Variants in NCDN observed in about 807,000 individuals in gnomAD.
The protein encoded by NCDN is neurochondrin.
Under a neutral mutation model 60.7 loss-of-function variants are expected in NCDN, and 9 were observed. The observed-to-expected ratio is 0.15, with a 90% CI of 0.09 to 0.26. The LOEUF is 0.26. Among genes scored for constraint, NCDN ranks in the 10% least tolerant of loss-of-function variants. The pLI is 1.00. For synonymous variants in NCDN, 409 were observed against 442.5 expected (o/e 0.92, Z 0.95); for missense variants, 578 against 975.2 (o/e 0.59, Z 5.42).
rs1648703740 is a variant in NCDN, at chr1:35,561,466, C to T, written c.1143+172C>T. ...TGTGCGGCCCAACCTCCCTCTCTCTCCCTCCCTCCACACAAGCACCATACC... is the reference window on the plus strand; with the variant it reads ...TGTGCGGCCCAACCTCCCTCTCTCTTCCTCCCTCCACACAAGCACCATACC... On this transcript the variant is annotated intron_variant, in intron 3 of 6. Coordinates refer to ENST00000373243, the MANE Select transcript of NCDN (RefSeq NM_014284.3). This position sits in a 1 kb window ranked among gnomAD's most constrained non-coding sequence, Gnocchi z 4.9. Among the ~76,000 whole-genome samples, 1 of 151,860 alleles carries T rather than the reference C, an allele frequency of 6.6e-6. No homozygotes were observed. Among genetic ancestry groups the T allele is most frequent in the Non-Finnish European group, 1.5e-5 (1 of 67,950 alleles).
Position 35,558,616 on chromosome 1 carries a change from G to T in NCDN, c.33+393G>T. On this transcript the variant is annotated intron_variant, in intron 1 of 6. Transcript: ENST00000373243. This position sits in a 1 kb window ranked among gnomAD's most constrained non-coding sequence, Gnocchi z 6.3. The stretch of plus-strand genomic sequence containing the variant: ...CGTATCTCTGCCTCTGAAGAAGGGA[G>T]GGGAAAGGAAGCCTGGGGTGTCCTT... 1 of 1,175,674 alleles carries T rather than the reference G, an allele frequency of 8.5e-7. No individual in the cohort carries two copies. Among genetic ancestry groups the T allele is most frequent in the Non-Finnish European group, 1.1e-6 (1 of 946,128 alleles). The allele number at this position is 1,175,674 out of a possible 1,614,324, so 72.8% of individuals were successfully genotyped here. A position where few individuals can be genotyped will look rare whatever the true frequency, so the allele number is the denominator to read the frequency against.
chr1:35,564,395 C>A (rs1393308036), intron 6 of NCDN, among the ~76,000 whole-genome samples: 1 of 152,056 alleles, frequency 6.6e-6, no homozygotes, highest in Non-Finnish European at 1.5e-5. Flanking sequence ...GAGGGACGTC[C>A]CCTCCAGCCC....
chr1:35,564,720 A>G (rs11264175), intron 6 of NCDN, among the ~76,000 whole-genome samples: 7,569 of 152,246 alleles, frequency 0.05, 446 homozygotes, highest in East Asian at 0.24. Flanking sequence ...CCACCAGGTT[A>G]GGTTGACAGC....
At position 35,559,157 on chromosome 1, in the gene NCDN, G is replaced by A; in HGVS notation, c.84G>A (p.Gln28=). 1 of 1,613,792 alleles carries A rather than the reference G, an allele frequency of 6.2e-7. No homozygotes were observed. The highest frequency in any genetic ancestry group is 8.5e-7 in the Non-Finnish European group (1 of 1,179,902). Residue 28 remains glutamine (Q), a synonymous_variant, in exon 2 of 7, where the codon CAG becomes CAA. Coordinates refer to ENST00000373243, the MANE Select transcript of NCDN (RefSeq NM_014284.3). ...CGGATTGCGAGCCAGCTCTGAACCAGGCAGAGGGCCGAAACCCCACCCTGG... is the reference window on the plus strand; with the variant it reads ...CGGATTGCGAGCCAGCTCTGAACCAAGCAGAGGGCCGAAACCCCACCCTGG... The part of the protein sequence containing the change: ...MASDCEPALN[Q]AEGRNPTLER...
Position 35,565,402 on chromosome 1 carries a change from C to G in NCDN, c.1929C>G (p.Ala643=). 2.5e-6 allele frequency: 4 copies of G among 1,612,956 alleles called. No homozygotes were observed. The highest frequency in any genetic ancestry group is 3.4e-6 in the Non-Finnish European group (4 of 1,179,380). Residue 643 remains alanine, a synonymous_variant, in exon 7 of 7, where the codon GCC becomes GCG. Coordinates refer to ENST00000373243, the MANE Select transcript of NCDN (RefSeq NM_014284.3). The surrounding 1 kb of genome is among the most constrained non-coding windows in gnomAD (Gnocchi z 8.9). ...LQELWFLGMQ[A]FTGCVPLLPW... ...AGCTCTGGTTCCTGGGCATGCAGGC[C>G]TTCACCGGCTGTGTGCCTCTGCTGC...
chr1:35,557,844 C>A lies in NCDN; in HGVS notation c.-347C>A. On this transcript the variant is annotated 5_prime_UTR_variant, in exon 1 of 7. Transcript: ENST00000373243. ...CAGCGGCCCGAGGCTCCCGGAGCATCGCGCTGGGAGAAGACTTCGCCGCTC... is the reference window on the plus strand; with the variant it reads ...CAGCGGCCCGAGGCTCCCGGAGCATAGCGCTGGGAGAAGACTTCGCCGCTC... 2 of 566,712 alleles carry A rather than the reference C, an allele frequency of 3.5e-6. No homozygotes were observed. Among genetic ancestry groups the A allele is most frequent in the African/African-American group, 1.8e-5 (1 of 54,110 alleles). 35.1% of individuals were successfully genotyped at this position (566,712 alleles called of 1,614,324 possible).
Position 35,558,351 on chromosome 1 carries a change from C to T in NCDN, c.33+128C>T. 6.5e-7 allele frequency: 1 copy of T among 1,539,082 alleles called. No homozygotes were observed. On this transcript the variant is annotated intron_variant, in intron 1 of 6. Coordinates refer to ENST00000373243, the MANE Select transcript of NCDN (RefSeq NM_014284.3). This position sits in a 1 kb window ranked among gnomAD's most constrained non-coding sequence, Gnocchi z 6.3. ...CGGGACCCCCTCTTGCTTCTCCAGC[C>T]CCTGCCGGCATCCACAGGCTGGTAG...
In NCDN at chr1:35,557,985, C is replaced by T. The variant is rs1186348588; in HGVS notation, c.-206C>T. On this transcript the variant is annotated 5_prime_UTR_variant, in exon 1 of 7. Coordinates refer to ENST00000373243, the MANE Select transcript of NCDN (RefSeq NM_014284.3). ...ACACCCCGGGGACCCTATCGCGACT[C>T]CATCGCGCCATATCGCGACACCATC... The T allele has an allele frequency of 2.6e-6, 2 of 762,224 alleles. No individual in the cohort carries two copies. The highest frequency in any genetic ancestry group is 4.2e-6 in the Non-Finnish European group (2 of 478,172). 47.2% of individuals were successfully genotyped at this position (762,224 alleles called of 1,614,324 possible).
Position 35,560,463 on chromosome 1 carries a change from G to A in NCDN, c.312G>A (p.Arg104=). The A allele has an allele frequency of 1.9e-6, 3 of 1,614,024 alleles. No individual in the cohort carries two copies. The highest frequency in any genetic ancestry group is 2.5e-6 in the Non-Finnish European group (3 of 1,180,060). Residue 104 remains arginine, a synonymous_variant, in exon 3 of 7, where the codon CGG becomes CGA. Coordinates refer to ENST00000373243, the MANE Select transcript of NCDN (RefSeq NM_014284.3). The surrounding 1 kb of genome is among the most constrained non-coding windows in gnomAD (Gnocchi z 7.6). The stretch of plus-strand genomic sequence containing the variant: ...ATGGCTGCCCTGACCATGTTCTGCG[G>A]GCTTTGGGTGTGGCCCTGCTGGCCT... The part of the protein sequence containing the change: ...APDGCPDHVL[R]ALGVALLACF...
At position 35,560,225 on chromosome 1, in the gene NCDN, A is replaced by C; in HGVS notation, c.175-101A>C. 6.9e-7 allele frequency: 1 copy of C among 1,444,424 alleles called. No homozygotes were observed. The highest frequency in any genetic ancestry group is 9.4e-7 in the Non-Finnish European group (1 of 1,066,936). 89.5% of individuals were successfully genotyped at this position (1,444,424 alleles called of 1,614,324 possible). ...AATGACCTCAGATGAGTCCTGTTGC[A>C]TAACCTCATCTTGCTAGTCCTCAGT... On this transcript the variant is annotated intron_variant, in intron 2 of 6. Coordinates refer to ENST00000373243, the MANE Select transcript of NCDN (RefSeq NM_014284.3). The surrounding 1 kb of genome is among the most constrained non-coding windows in gnomAD (Gnocchi z 7.6).
chr1:35,560,016 C>A lies in NCDN; in HGVS notation c.175-310C>A, dbSNP rs1044812100. On this transcript the variant is annotated intron_variant, in intron 2 of 6. Transcript: ENST00000373243. This position sits in a 1 kb window ranked among gnomAD's most constrained non-coding sequence, Gnocchi z 7.6. Reference sequence around the variant, plus strand: ...AGATCTTAAAACATTGAGTTCTAAGCCCCTTCCATCCCAGGTTGTGGGCAT... The same window carrying A: ...AGATCTTAAAACATTGAGTTCTAAGACCCTTCCATCCCAGGTTGTGGGCAT... Among the ~76,000 whole-genome samples the A allele has an allele frequency of 2.4e-4, 36 of 152,100 alleles. No homozygotes were observed. The highest frequency in any genetic ancestry group is 8.7e-4 in the African/African-American group (36 of 41,392).
At position 35,557,940 on chromosome 1, in the gene NCDN, C is replaced by T; in HGVS notation, c.-251C>T. 1.6e-6 allele frequency: 1 copy of T among 634,510 alleles called. No homozygotes were observed. The highest frequency in any genetic ancestry group is 2.8e-6 in the Non-Finnish European group (1 of 362,786). The allele number at this position is 634,510 out of a possible 1,614,324, so 39.3% of individuals were successfully genotyped here. A position where few individuals can be genotyped will look rare whatever the true frequency, so the allele number is the denominator to read the frequency against. On this transcript the variant is annotated 5_prime_UTR_variant, in exon 1 of 7. Coordinates refer to ENST00000373243, the MANE Select transcript of NCDN (RefSeq NM_014284.3). ...CATCCCAGCCGGGGCCTCTCCGAGCCGGCGCTGATCGATGCCGACACACCC... is the reference window on the plus strand; with the variant it reads ...CATCCCAGCCGGGGCCTCTCCGAGCTGGCGCTGATCGATGCCGACACACCC...
chr1:35,566,718 G>T lies in NCDN; in HGVS notation c.*1055G>T. On this transcript the variant is annotated 3_prime_UTR_variant, in exon 7 of 7. Transcript: ENST00000373243. This position sits in a 1 kb window ranked among gnomAD's most constrained non-coding sequence, Gnocchi z 5.3. ...GCTTCCCTCCCCCAGTGCGTTCTGT[G>T]ATCGCCAAGTTCAAAGCTGTGCACA... 1 of 458,394 alleles carries T rather than the reference G, an allele frequency of 2.2e-6. No homozygotes were observed. The allele number at this position is 458,394 out of a possible 1,614,324, so 28.4% of individuals were successfully genotyped here. A position where few individuals can be genotyped will look rare whatever the true frequency, so the allele number is the denominator to read the frequency against.
rs1300328812 is a variant in NCDN, at chr1:35,563,649, C to A, written c.1611-118C>A. On this transcript the variant is annotated intron_variant, in intron 5 of 6. Coordinates refer to ENST00000373243, the MANE Select transcript of NCDN (RefSeq NM_014284.3). This position sits in a 1 kb window ranked among gnomAD's most constrained non-coding sequence, Gnocchi z 6.6. ...TCTGCTTGTTCCAATCTCTGCCCCC[C>A]AGATGCTATGTTTGGGGCCCAAAGT... 4 of 1,282,140 alleles carry A rather than the reference C, an allele frequency of 3.1e-6. No individual in the cohort carries two copies. The highest frequency in any genetic ancestry group is 2.3e-5 in the East Asian group (1 of 42,916). The allele number at this position is 1,282,140 out of a possible 1,614,324, so 79.4% of individuals were successfully genotyped here.
In NCDN at chr1:35,563,176, C is replaced by G; in HGVS notation, c.1386-26C>G. On this transcript the variant is annotated intron_variant, in intron 4 of 6. Transcript: ENST00000373243. The surrounding 1 kb of genome is among the most constrained non-coding windows in gnomAD (Gnocchi z 6.6). ...TGCCTTCATCTCTCCCAATCCCACA[C>G]ACGTCTGTCCCTTCCACATCCCCAG... The G allele has an allele frequency of 6.3e-7, 1 of 1,588,410 alleles. No individual in the cohort carries two copies.
chr1:35,563,126 A>G lies in NCDN; in HGVS notation c.1386-76A>G, dbSNP rs1648757456. 1.5e-6 allele frequency: 2 copies of G among 1,320,858 alleles called. No homozygotes were observed. The highest frequency in any genetic ancestry group is 2.4e-5 in the Admixed American group (1 of 41,198). The allele number at this position is 1,320,858 out of a possible 1,614,324, so 81.8% of individuals were successfully genotyped here. A position where few individuals can be genotyped will look rare whatever the true frequency, so the allele number is the denominator to read the frequency against. ...CCCCTACTTCCATTTCTCTTAGGCA[A>G]GGTGCCCTAAAAAGGGAATCTATGT... On this transcript the variant is annotated intron_variant, in intron 4 of 6. Coordinates refer to ENST00000373243, the MANE Select transcript of NCDN (RefSeq NM_014284.3). The surrounding 1 kb of genome is among the most constrained non-coding windows in gnomAD (Gnocchi z 6.6).
In NCDN at chr1:35,566,702, C is replaced by T. The variant is rs1195596034; in HGVS notation, c.*1039C>T. ...ACACTCTTGATCCCTTGCTTCCCTC[C>T]CCCAGTGCGTTCTGTGATCGCCAAG... On this transcript the variant is annotated 3_prime_UTR_variant, in exon 7 of 7. Transcript: ENST00000373243. This position sits in a 1 kb window ranked among gnomAD's most constrained non-coding sequence, Gnocchi z 5.3. 3 of 446,082 alleles carry T rather than the reference C, an allele frequency of 6.7e-6. No homozygotes were observed. Among genetic ancestry groups the T allele is most frequent in the South Asian group, 4.8e-5 (3 of 62,198 alleles). The allele number at this position is 446,082 out of a possible 1,614,324, so 27.6% of individuals were successfully genotyped here.
chr1:35,563,244 G>T lies in NCDN; in HGVS notation c.1428G>T (p.Gly476=), dbSNP rs1648761248. The T allele has an allele frequency of 6.2e-7, 1 of 1,614,104 alleles. No individual in the cohort carries two copies. The change falls in exon 5 of 7, where the codon GGG becomes GGT. Residue 476 remains glycine (G), a synonymous_variant. Transcript: ENST00000373243. This position sits in a 1 kb window ranked among gnomAD's most constrained non-coding sequence, Gnocchi z 6.6. ...GGTGCCACCTGACCGTTGAAGATGG[G>T]CCCCGGGAGATCCTGATCAAGGAAG... The part of the protein sequence containing the change: ...PGWCHLTVED[G]PREILIKEGA...
rs1026512455 is a variant in NCDN at position 35,563,148 on chromosome 1, A to G, written c.1386-54A>G. 3.4e-5 allele frequency: 51 copies of G among 1,500,156 alleles called. No homozygotes were observed. The highest frequency in any genetic ancestry group is 1.8e-4 in the Middle Eastern group (1 of 5,640). 92.9% of individuals were successfully genotyped at this position (1,500,156 alleles called of 1,614,324 possible). A position where few individuals can be genotyped will look rare whatever the true frequency, so the allele number is the denominator to read the frequency against. On this transcript the variant is annotated intron_variant, in intron 4 of 6. Transcript: ENST00000373243. This position sits in a 1 kb window ranked among gnomAD's most constrained non-coding sequence, Gnocchi z 6.6. ...GCAAGGTGCCCTAAAAAGGGAATCT[A>G]TGTGCCTTCATCTCTCCCAATCCCA...
Sources: gnomAD v4.1 joint callset for allele counts (sites outside exome capture counted in the v4.1 genomes callset) on GRCh38, gnomAD v4.1.1 for gene constraint, Gnocchi (gnomAD v3.1) non-coding constraint, MANE v1.5 for transcripts, NCBI Gene and HGNC (gene_info 2026-07-23, HGNC 2026-07-21) for gene names.